The following ZNF385D variants were observed in gnomAD, a reference collection of about 807,000 sequenced individuals.
ZNF385D encodes the protein zinc finger protein 385D.
ZNF385D carries 15 observed loss-of-function variants against 35.8 expected under a neutral mutation model. The observed-to-expected ratio is 0.42, with a 90% CI of 0.28 to 0.64. The LOEUF (loss-of-function observed/expected upper bound fraction) is 0.64, where lower values mean the gene tolerates loss of function less well. Ranked by LOEUF, ZNF385D falls within the 30% of genes least tolerant of loss-of-function variation. ZNF385D has a pLI of 0.23. For synonymous variants in ZNF385D, 212 were observed against 186.8 expected (o/e 1.13, Z -1.10); for missense variants, 474 against 494.6 (o/e 0.96, Z 0.39).
At chr3:21,613,342 TA>T (rs11434152) in intron 2 of ZNF385D, among the ~76,000 whole-genome samples, 5,194 of 144,172 alleles carry the variant, frequency 0.036, 208 homozygotes, top group African/African-American at 0.1. Flanking sequence ...AGTCAGAAGA[TA>T]AAAAAAAAAA....
chr3:22,025,882 C>T (rs558564613), intron 3 of ZNF385D, among the ~76,000 whole-genome samples: 5 of 152,232 alleles, frequency 3.3e-5, no homozygotes, highest in South Asian at 2.1e-4. Flanking sequence ...CAGATATAAC[C>T]GTGGCAACGG....
intron 2 of ZNF385D, among the ~76,000 whole-genome samples, chr3:21,621,012 ACAC>A (rs1040773881): frequency 2.6e-5 from 4 of 152,004 alleles, no homozygotes; most frequent in African/African-American, 7.2e-5. Context: ...ACACACACAC[ACAC>A]AATTTTCTGA....
At chr3:21,879,649 A>T (rs1158961265) in intron 3 of ZNF385D, among the ~76,000 whole-genome samples, 1 of 152,022 alleles carries the variant, frequency 6.6e-6, no homozygotes, top group African/African-American at 2.4e-5. Flanking sequence ...TCAATTAAAA[A>T]ATAGTCACAG....
intron 2 of ZNF385D, among the ~76,000 whole-genome samples, chr3:22,290,388 T>C (rs757697565): frequency 6.6e-6 from 1 of 152,126 alleles, no homozygotes; most frequent in Non-Finnish European, 1.5e-5. Flanking sequence ...TCAGAGAAGA[T>C]AGTTCTCACT....
rs367566431 is a variant in ZNF385D at position 22,133,987 on chromosome 3, T to C, written c.325+34830A>G. 45 of 152,170 alleles carry C rather than the reference T, an allele frequency of 3.0e-4. 1 individual carries two copies. Among genetic ancestry groups the C allele is most frequent in the African/African-American group, 6.0e-4 (25 of 41,516 alleles). The allele number at this position is 152,170 out of a possible 1,614,324, so 9.4% of individuals were successfully genotyped here. ...ATATAAGAAACTGCATAGAATGTTC[T>C]GTAAACTATAGAAAGGCAGAAAAGG... is the stretch of plus-strand genomic sequence containing the variant. On this transcript the variant is annotated intron_variant, in intron 3 of 5. Transcript: ENST00000494108.
chr3:22,097,222 A>G (rs1303578621), intron 3 of ZNF385D, among the ~76,000 whole-genome samples: 1 of 152,092 alleles, frequency 6.6e-6, no homozygotes, highest in African/African-American at 2.4e-5. Flanking sequence ...TTTATTTTAT[A>G]TCAATACATT....
intron 2 of ZNF385D, among the ~76,000 whole-genome samples, chr3:21,584,028 C>T (rs919238050): frequency 2.0e-5 from 3 of 151,402 alleles, no homozygotes; most frequent in African/African-American, 4.9e-5. Context: ...GGCTGGAGTG[C>T]GATGGCGTGA....
intron 3 of ZNF385D, among the ~76,000 whole-genome samples, chr3:22,028,390 G>A (rs1697701335): frequency 6.6e-6 from 1 of 152,214 alleles, no homozygotes; most frequent in African/African-American, 2.4e-5. Context: ...CATGGGCTCA[G>A]CAACATGTAC....
chr3:22,194,805 C>T (rs564235136), intron 2 of ZNF385D, among the ~76,000 whole-genome samples: 1 of 151,722 alleles, frequency 6.6e-6, no homozygotes, highest in Admixed American at 6.6e-5. Flanking sequence ...TTAGATACTT[C>T]CAAATTATGT....
At chr3:22,312,953 G>A (rs201551846) in intron 2 of ZNF385D, among the ~76,000 whole-genome samples, 83,945 of 132,834 alleles carry the variant, frequency 0.63, 27,536 homozygotes, top group African/African-American at 0.84. Context: ...ACATGCACAC[G>A]TATGTTTATT....
At chr3:21,611,478 C>T (rs923034696) in intron 2 of ZNF385D, among the ~76,000 whole-genome samples, 3 of 152,196 alleles carry the variant, frequency 2.0e-5, no homozygotes, top group African/African-American at 7.2e-5. Context: ...TTAGTAACCA[C>T]ATGAGCTGGA....
upstream of ZNF385D, among the ~76,000 whole-genome samples, chr3:21,755,503 A>G (rs1306789899): frequency 6.6e-6 from 1 of 152,144 alleles, no homozygotes; most frequent in African/African-American, 2.4e-5. Context: ...TGCTCTCTCT[A>G]CTGAAGCAAT....
intron 2 of ZNF385D, among the ~76,000 whole-genome samples, chr3:22,318,425 G>C (rs561721585): frequency 6.6e-6 from 1 of 152,286 alleles, no homozygotes; most frequent in Non-Finnish European, 1.5e-5. Context: ...TTTGTCTCCA[G>C]TGTGAAGAAA....
intron 3 of ZNF385D, among the ~76,000 whole-genome samples, chr3:21,544,941 A>G (rs1322628873): frequency 6.6e-6 from 1 of 152,208 alleles, no homozygotes; most frequent in Non-Finnish European, 1.5e-5. Flanking sequence ...AAACAGGATT[A>G]TTTGACGTGT....
chr3:21,720,219 T>C (rs1436942935), intron 1 of ZNF385D, among the ~76,000 whole-genome samples: 3 of 152,132 alleles, frequency 2.0e-5, no homozygotes, highest in Non-Finnish European at 4.4e-5. Flanking sequence ...TATTCTTAAG[T>C]ATAGTCCCTA....
At chr3:21,750,315 A>G (rs1223404973) in intron 1 of ZNF385D, among the ~76,000 whole-genome samples, 6 of 152,230 alleles carry the variant, frequency 3.9e-5, no homozygotes, top group Admixed American at 3.9e-4. Context: ...AATATTTGAC[A>G]TCTCCGAGAC....
At chr3:21,496,235 A>G (rs1705831210) in intron 4 of ZNF385D, among the ~76,000 whole-genome samples, 2 of 148,884 alleles carry the variant, frequency 1.3e-5, no homozygotes, top group African/African-American at 2.5e-5. Context: ...AAGTTGGCAG[A>G]GATAAAAAGT....
In ZNF385D at chr3:22,175,643, C is replaced by T. The variant is rs1013537484; in HGVS notation, c.107-6608G>A. ...TTGTGAAAGAAATTTGGCCTTTTTT[C>T]GATGAAAAAAATACGTAGTAACTTT... On this transcript the variant is annotated intron_variant, in intron 2 of 5. Coordinates refer to the ZNF385D transcript ENST00000494108. 6.0e-5 allele frequency among the ~76,000 whole-genome samples: 9 copies of T among 151,156 alleles called. No homozygotes were observed. The East Asian group carries it at 1.5e-3, about 26-fold the overall frequency.
At chr3:21,937,332 G>C (rs562986071) in intron 3 of ZNF385D, among the ~76,000 whole-genome samples, 2 of 152,032 alleles carry the variant, frequency 1.3e-5, no homozygotes, top group Non-Finnish European at 2.9e-5. Flanking sequence ...CTCCACTCCA[G>C]TGCCTTTGAC....
Sources: allele counts gnomAD v4.1 joint callset (sites outside exome capture counted in the v4.1 genomes callset), GRCh38; gene constraint gnomAD v4.1.1; transcripts MANE v1.5; gene names NCBI Gene and HGNC (gene_info 2026-07-23, HGNC 2026-07-21).